The following HSPA4 variants were observed in gnomAD, a reference collection of about 807,000 sequenced individuals.
The protein encoded by HSPA4 is heat shock protein family A (Hsp70) member 4, also known as heat shock 70 kDa protein 4.
HSPA4 carries 25 observed loss-of-function variants against 106.2 expected under a neutral mutation model. The observed-to-expected ratio is 0.24, with a 90% confidence interval of 0.17 to 0.33. HSPA4 has a LOEUF of 0.33. HSPA4 is among the 10% of genes least tolerant of loss of function. The pLI is 1.00. For missense variants in HSPA4, 841 were observed against 996.0 expected, an observed-to-expected ratio of 0.84 and a Z score of 2.10; for synonymous variants, 332 against 333.6, an observed-to-expected ratio of 1.00 and a Z score of 0.05.
At chr5:133,052,456 C>A in intron 1 of HSPA4, 99 bp downstream of exon 1, 2 of 824,606 alleles carry the variant, frequency 2.4e-6, no homozygotes, top group South Asian at 1.8e-5. Flanking sequence ...GCCGAGGAGT[C>A]GCCTCCGTTC....
chr5:133,095,329 A>G (rs558451603), intron 13 of HSPA4, among the ~76,000 whole-genome samples: 1 of 152,336 alleles, frequency 6.6e-6, no homozygotes, highest in Admixed American at 6.5e-5. Flanking sequence ...AAACTAGAAG[A>G]GTCAGTTGTT....
At chr5:133,102,937 G>A (rs1765806938) in intron 17 of HSPA4, among the ~76,000 whole-genome samples, 1 of 39,466 alleles carries the variant, frequency 2.5e-5, no homozygotes, top group Non-Finnish European at 5.1e-5. Flanking sequence ...TTTTGAGATG[G>A]CATTTCACCA....
chr5:133,103,694 A>G (rs1162027149), intron 17 of HSPA4, among the ~76,000 whole-genome samples, 171 bp from the exon 18 acceptor site: 1 of 152,152 alleles, frequency 6.6e-6, no homozygotes, highest in Admixed American at 6.5e-5. Context: ...GAGTGTATTC[A>G]AAAATTGTGG....
chr5:133,101,564 C>A (rs986668731), intron 16 of HSPA4, 195 bp from the exon 17 acceptor site: 5 of 488,952 alleles, frequency 1.0e-5, no homozygotes, highest in African/African-American at 2.0e-5. Flanking sequence ...TGAAGCGATT[C>A]CAGATGGATC....
At chr5:133,098,642 A>G (rs1212559990) in intron 15 of HSPA4, among the ~76,000 whole-genome samples, 1 of 143,614 alleles carries the variant, frequency 7.0e-6, no homozygotes, top group African/African-American at 2.6e-5. Flanking sequence ...TTCTTTATTT[A>G]CTCATTGGTT....
At chr5:133,096,328 CTT>C in intron 14 of HSPA4, 78 bp downstream of exon 14, 3 of 1,362,756 alleles carry the variant, frequency 2.2e-6, no homozygotes, top group Non-Finnish European at 3.0e-6. Flanking sequence ...TGTCTAGTGA[CTT>C]TTTGCATTTT....
intron 1 of HSPA4, among the ~76,000 whole-genome samples, chr5:133,058,028 A>G (rs1765189405): frequency 6.6e-6 from 1 of 152,222 alleles, no homozygotes; most frequent in Non-Finnish European, 1.5e-5. Flanking sequence ...CTGGAGTGAG[A>G]CTTGAACAAA....
At chr5:133,091,117 A>G (rs749020711) in intron 11 of HSPA4, 76 bp from the exon 12 acceptor site, 2 of 1,178,664 alleles carry the variant, frequency 1.7e-6, no homozygotes, top group Admixed American at 1.7e-5. Context: ...GACATAATCT[A>G]GCAATGTAGG....
In HSPA4 at chr5:133,063,346, T is replaced by G. The variant is rs141186954; in HGVS notation, c.108-1634T>G. On this transcript the variant is annotated intron_variant, in intron 1 of 18. Coordinates refer to ENST00000304858, the MANE Select transcript of HSPA4 (RefSeq NM_002154.4). ...GCTGCCCAGGCTGGTCTTGAATTCCTGTACTCAAATGATCCACTTGCTTTG... is the reference window on the plus strand; with the variant it reads ...GCTGCCCAGGCTGGTCTTGAATTCCGGTACTCAAATGATCCACTTGCTTTG... 6.4e-3 allele frequency among the ~76,000 whole-genome samples: 975 copies of G among 151,788 alleles called. 14 individuals carry two copies. The highest frequency in any genetic ancestry group is 0.022 in the African/African-American group (927 of 41,378).
chr5:133,100,588 G>A (rs535879576), intron 16 of HSPA4, among the ~76,000 whole-genome samples: 47 of 152,088 alleles, frequency 3.1e-4, no homozygotes, highest in Admixed American at 7.9e-4. Flanking sequence ...TCACGAGGTC[G>A]GAGATCGAGA....
intron 7 of HSPA4, among the ~76,000 whole-genome samples, chr5:133,080,860 T>C (rs28730561): frequency 0.018 from 2,769 of 152,294 alleles, 96 homozygotes; most frequent in African/African-American, 0.064. Context: ...TATTGAGATA[T>C]AATTCACATA....
intron 4 of HSPA4, among the ~76,000 whole-genome samples, chr5:133,071,501 A>G (rs1341957676): frequency 2.0e-5 from 3 of 152,132 alleles, no homozygotes; most frequent in African/African-American, 7.2e-5. Context: ...TATCTTTTGC[A>G]TATCCCTGTT....
intron 11 of HSPA4, among the ~76,000 whole-genome samples, chr5:133,090,026 G>A (rs935691073): frequency 6.6e-6 from 1 of 152,246 alleles, no homozygotes; most frequent in African/African-American, 2.4e-5. Flanking sequence ...CCATTGTATC[G>A]GCAGTTTTTC....
chr5:133,080,143 G>C (rs1765495607), intron 7 of HSPA4, among the ~76,000 whole-genome samples: 2 of 151,508 alleles, frequency 1.3e-5, no homozygotes, highest in Non-Finnish European at 2.9e-5. Flanking sequence ...TTTGGGTGTG[G>C]TGGCTCACAC....
chr5:133,059,607 C>A (rs779052648), intron 1 of HSPA4, among the ~76,000 whole-genome samples: 1 of 151,988 alleles, frequency 6.6e-6, no homozygotes, highest in Non-Finnish European at 1.5e-5. Flanking sequence ...AGTGAGAGAC[C>A]CTGTCTCAAA....
At chr5:133,062,286 A>T (rs1248803428) in intron 1 of HSPA4, among the ~76,000 whole-genome samples, 1 of 152,180 alleles carries the variant, frequency 6.6e-6, no homozygotes, top group Non-Finnish European at 1.5e-5. Flanking sequence ...AAAGTTGGGG[A>T]TTGTAATTAT....
At chr5:133,078,325 G>T (rs1049297194) in intron 7 of HSPA4, among the ~76,000 whole-genome samples, 1 of 147,200 alleles carries the variant, frequency 6.8e-6, no homozygotes, top group Non-Finnish European at 1.5e-5. Context: ...GTGAGACTCC[G>T]TCTCAAAAGA....
At chr5:133,069,185 C>G (rs1428797853) in intron 3 of HSPA4, among the ~76,000 whole-genome samples, 1 of 152,054 alleles carries the variant, frequency 6.6e-6, no homozygotes, top group Non-Finnish European at 1.5e-5. Flanking sequence ...ACTGTTATCA[C>G]ATTTGCAGAC....
At chr5:133,071,100 A>C (rs1340085682) in intron 4 of HSPA4, among the ~76,000 whole-genome samples, 1 of 151,660 alleles carries the variant, frequency 6.6e-6, no homozygotes, top group Non-Finnish European at 1.5e-5. Flanking sequence ...TCATTTGTTG[A>C]ATTAGTTGGA....
Sources: allele counts gnomAD v4.1 joint callset (sites outside exome capture counted in the v4.1 genomes callset), GRCh38; gene constraint gnomAD v4.1.1; transcripts MANE v1.5; gene names NCBI Gene and HGNC (gene_info 2026-07-23, HGNC 2026-07-21).